DSP: variants seen among roughly 807,000 people sequenced by gnomAD.
DSP encodes 250/210 kDa paraneoplastic pemphigus antigen.
Under a neutral mutation model 290.6 loss-of-function variants are expected in DSP, and 114 were observed. The observed-to-expected ratio is 0.39, with a 90% CI of 0.34 to 0.46. The LOEUF (loss-of-function observed/expected upper bound fraction) is 0.46, where lower values mean the gene tolerates loss of function less well. Among genes scored for constraint, DSP ranks in the 20% least tolerant of loss-of-function variants. The pLI is 0.99. For missense variants in DSP, 3,230 were observed against 3,495.8 expected (o/e 0.92, Z 1.92); for synonymous variants, 1,311 against 1,316.4 (o/e 1.00, Z 0.09).
In DSP at chr6:7,581,387, G is replaced by A. The variant is rs138588403; in HGVS notation, c.5197G>A (p.Asp1733Asn). 8.1e-6 allele frequency: 13 copies of A among 1,614,124 alleles called. No individual in the cohort carries two copies. In the African/African-American group the frequency reaches 1.6e-4, roughly 20 times the overall value. Residue 1733 changes from aspartate to asparagine, a missense_variant, in exon 23 of 24, where the codon GAC (aspartate) becomes AAC (asparagine). By Grantham distance (23) the Asp-to-Asn change is conservative. Transcript: ENST00000379802. ...ELRNLRLEYDDLRRGRSEADS... is the reference protein window; with the variant it reads ...ELRNLRLEYDNLRRGRSEADS... Reference sequence around the variant, plus strand: ...GCGGAACCTGAGGCTGGAGTACGATGACCTGAGGAGAGGACGAAGCGAAGC... The same window carrying A: ...GCGGAACCTGAGGCTGGAGTACGATAACCTGAGGAGAGGACGAAGCGAAGC...
At chr6:7,543,927 G>A (rs7743265) in intron 1 of DSP, among the ~76,000 whole-genome samples, 51,389 of 151,898 alleles carry the variant, frequency 0.34, 8,827 homozygotes, top group Middle Eastern at 0.39. Context: ...TTTAATTTTG[G>A]GCAGGCTCCA....
At chr6:7,548,035 G>A (rs1224893222) in intron 1 of DSP, among the ~76,000 whole-genome samples, 6 of 152,146 alleles carry the variant, frequency 3.9e-5, no homozygotes, top group Admixed American at 6.5e-5. Flanking sequence ...TTGGGAGGCC[G>A]AGGTGGGCGG....
intron 8 of DSP, among the ~76,000 whole-genome samples, chr6:7,566,882 C>T (rs886517320): frequency 6.6e-6 from 1 of 152,230 alleles, no homozygotes; most frequent in African/African-American, 2.4e-5. Flanking sequence ...CTGACATTAG[C>T]TGGTACCACT....
intron 19 of DSP, 35 bp from the exon 20 acceptor site, chr6:7,576,924 C>T (rs771606923): frequency 6.6e-7 from 1 of 1,513,838 alleles, no homozygotes; most frequent in Admixed American, 1.7e-5. Context: ...TATTTGTATG[C>T]ATTAACATTG....
Position 7,581,413 on chromosome 6 carries a change from G to A in DSP, c.5223G>A (p.Ala1741=), listed in dbSNP as rs201984474. Residue 1741 remains alanine (A), a synonymous_variant, in exon 23 of 24, where the codon GCG becomes GCA. Transcript: ENST00000379802. ...YDDLRRGRSE[A]DSDKNATILE... ...ACCTGAGGAGAGGACGAAGCGAAGCGGACAGTGATAAAAATGCAACCATCT... is the reference window on the plus strand; with the variant it reads ...ACCTGAGGAGAGGACGAAGCGAAGCAGACAGTGATAAAAATGCAACCATCT... 31 of 1,613,172 alleles carry A rather than the reference G, an allele frequency of 1.9e-5. No homozygotes were observed. Among genetic ancestry groups the A allele is most frequent in the Admixed American group, 8.4e-5 (5 of 59,780 alleles).
chr6:7,554,562 A>G (rs1758446491), intron 1 of DSP, among the ~76,000 whole-genome samples: 1 of 152,174 alleles, frequency 6.6e-6, no homozygotes, highest in South Asian at 2.1e-4. Flanking sequence ...CGATAAAGAC[A>G]ATGTATTTAA....
At chr6:7,571,300 G>T in intron 13 of DSP, 83 bp from the exon 14 acceptor site, 1 of 1,363,990 alleles carries the variant, frequency 7.3e-7, no homozygotes, top group Non-Finnish European at 1.0e-6. Context: ...CCATCTAGTG[G>T]GTGGCATTTT....
In DSP at chr6:7,555,007, G is replaced by A. The variant is rs529687168; in HGVS notation, c.171-711G>A. On this transcript the variant is annotated intron_variant, in intron 1 of 23. Transcript: ENST00000379802. Reference sequence around the variant, plus strand: ...TCCTCTCCTACCTTTCCTTCAGCCCGACTTGCCAGTGAAATCTTCATGCTC... The same window carrying A: ...TCCTCTCCTACCTTTCCTTCAGCCCAACTTGCCAGTGAAATCTTCATGCTC... Among the ~76,000 whole-genome samples, 15 of 152,144 alleles carry A rather than the reference G, an allele frequency of 9.9e-5. No homozygotes were observed. The East Asian group carries it at 1.2e-3, about 12-fold the overall frequency.
At chr6:7,559,080 G>A in intron 3 of DSP, 146 bp from the exon 4 acceptor site, 1 of 865,104 alleles carries the variant, frequency 1.2e-6, no homozygotes, top group Non-Finnish European at 1.8e-6. Flanking sequence ...TTAAGTCCTG[G>A]GGTAAAGAAA....
chr6:7,565,408 T>C lies in DSP; in HGVS notation c.827T>C (p.Ile276Thr). 1 of 1,614,146 alleles carries C rather than the reference T, an allele frequency of 6.2e-7. No individual in the cohort carries two copies. Among genetic ancestry groups the C allele is most frequent in the Non-Finnish European group, 8.5e-7 (1 of 1,180,018 alleles). ...CACCTGCGACAGCTGCAGAACATCATTCAGGCCACGTCCAGGGAGATCATG... is the reference window on the plus strand; with the variant it reads ...CACCTGCGACAGCTGCAGAACATCACTCAGGCCACGTCCAGGGAGATCATG... ...MDHLRQLQNI[I>T]QATSREIMWI... Residue 276 changes from isoleucine (I) to threonine (T), a missense_variant, in exon 7 of 24, where the codon ATT (isoleucine) becomes ACT (threonine). Around this residue, in one of 5 missense-constraint regions of DSP, gnomAD observed 646 missense variants for 684.3 expected, o/e 0.94. Coordinates refer to ENST00000379802, the MANE Select transcript of DSP (RefSeq NM_004415.4). The surrounding 1 kb of genome is among the most constrained non-coding windows in gnomAD (Gnocchi z 4.2).
chr6:7,580,139 G>C lies in DSP; in HGVS notation c.3949G>C (p.Ala1317Pro). ...GCACAAGCAGTCCCTGGAGGAGGCTGCCAAGACCATTCAGGACAAAAATAA... is the reference window on the plus strand; with the variant it reads ...GCACAAGCAGTCCCTGGAGGAGGCTCCCAAGACCATTCAGGACAAAAATAA... ...ARHKQSLEEA[A>P]KTIQDKNKEI... The change falls in exon 23 of 24, where the codon GCC (alanine) becomes CCC (proline). Residue 1317 changes from alanine (A) to proline (P), a missense_variant. Transcript: ENST00000379802. The surrounding 1 kb of genome is among the most constrained non-coding windows in gnomAD (Gnocchi z 4.2). The C allele has an allele frequency of 6.2e-7, 1 of 1,614,122 alleles. No individual in the cohort carries two copies. Among genetic ancestry groups the C allele is most frequent in the Non-Finnish European group, 8.5e-7 (1 of 1,180,004 alleles).
Position 7,582,345 on chromosome 6 carries a change from C to T in DSP, c.5380-297C>T, listed in dbSNP as rs1240020631. Among the ~76,000 whole-genome samples the T allele has an allele frequency of 6.6e-6, 1 of 151,276 alleles. No individual in the cohort carries two copies. The highest frequency in any genetic ancestry group is 1.9e-4 in the East Asian group (1 of 5,178). ...TGATAACCTGAAACAAAACTCCCCA[C>T]ATTTTTTCAAAGCATAATTATTGTT... is the stretch of plus-strand genomic sequence containing the variant. On this transcript the variant is annotated intron_variant, in intron 23 of 23. Transcript: ENST00000379802. This position sits in a 1 kb window ranked among gnomAD's most constrained non-coding sequence, Gnocchi z 4.2.
intron 4 of DSP, among the ~76,000 whole-genome samples, chr6:7,561,416 A>G (rs9505231): frequency 0.018 from 2,728 of 152,230 alleles, 82 homozygotes; most frequent in African/African-American, 0.062. Context: ...GTTCCCCTGC[A>G]TGCTTTACCT....
At chr6:7,581,677 T>A in intron 23 of DSP, 108 bp downstream of exon 23, 1 of 1,480,990 alleles carries the variant, frequency 6.8e-7, no homozygotes, top group Non-Finnish European at 9.1e-7. Flanking sequence ...TTATAGAAAA[T>A]CTAATTTTTC....
rs1758489914 is a variant in DSP at position 7,555,777 on chromosome 6, A to G, written c.230A>G (p.Asn77Ser). 1 of 1,614,244 alleles carries G rather than the reference A, an allele frequency of 6.2e-7. No individual in the cohort carries two copies. The highest frequency in any genetic ancestry group is 1.1e-5 in the South Asian group (1 of 91,082). ...NQNTIQELLQNCSDCLMRAEL... is the reference protein window; with the variant it reads ...NQNTIQELLQSCSDCLMRAEL... The stretch of plus-strand genomic sequence containing the variant: ...AACACCATCCAGGAGCTGCTGCAGA[A>G]CTGCTCCGACTGCTTGATGCGAGCA... The change falls in exon 2 of 24, where the codon AAC becomes AGC. Residue 77 changes from asparagine to serine, a missense_variant. Around this residue, in one of 5 missense-constraint regions of DSP, gnomAD observed 646 missense variants for 684.3 expected, o/e 0.94. Coordinates refer to ENST00000379802, the MANE Select transcript of DSP (RefSeq NM_004415.4).
chr6:7,556,803 A>G (rs557739406), intron 2 of DSP, among the ~76,000 whole-genome samples: 2 of 152,362 alleles, frequency 1.3e-5, no homozygotes, highest in South Asian at 4.1e-4. Flanking sequence ...CTCCAGTTCT[A>G]GTTGTTTCGA....
chr6:7,570,707 T>C, intron 13 of DSP, 144 bp downstream of exon 13: 1 of 1,160,666 alleles, frequency 8.6e-7, no homozygotes, highest in South Asian at 1.4e-5. Context: ...TCCTTAGAGG[T>C]TCTGGTCTGT....
Position 7,585,718 on chromosome 6 carries a change from T to C in DSP, c.8456T>C (p.Met2819Thr). The part of the protein sequence containing the change: ...SSKGLPSPYN[M>T]SSAPGSRSGS... ...AAGGGCTTACCCAGCCCTTACAACA[T>C]GTCTTCGGCTCCGGGGTCCCGCTCC... is the stretch of plus-strand genomic sequence containing the variant. Residue 2819 changes from methionine to threonine, a missense_variant, in exon 24 of 24, where the codon ATG becomes ACG. Met to Thr is a moderately conservative substitution (Grantham distance 81, BLOSUM62 -1). Around this residue, in one of 5 missense-constraint regions of DSP, gnomAD observed 582 missense variants for 555.4 expected, o/e 1.05. Transcript: ENST00000379802. The C allele has an allele frequency of 6.2e-7, 1 of 1,612,976 alleles. No homozygotes were observed. The highest frequency in any genetic ancestry group is 8.5e-7 in the Non-Finnish European group (1 of 1,179,412).
intron 15 of DSP, 137 bp downstream of exon 15, chr6:7,572,205 C>T: frequency 1.2e-6 from 1 of 832,732 alleles, no homozygotes; most frequent in Admixed American, 2.2e-5. Flanking sequence ...GCAGGATTTC[C>T]TTATGTATTA....
Sources: gnomAD v4.1 joint callset for allele counts (sites outside exome capture counted in the v4.1 genomes callset) on GRCh38, gnomAD v4.1.1 for gene constraint, gnomAD v4.1.1 regional missense constraint, Gnocchi (gnomAD v3.1) non-coding constraint, MANE v1.5 for transcripts, NCBI Gene and HGNC (gene_info 2026-07-23, HGNC 2026-07-21) for gene names.